Variants in SNX10 observed in about 807,000 individuals in gnomAD.
SNX10 encodes the protein sorting nexin 10, also known as sorting nexin-10.
A neutral mutation model predicts 28.5 loss-of-function variants in SNX10; 25 were observed. That is an observed-to-expected ratio of 0.88 (90% CI 0.64 to 1.22). SNX10 has a LOEUF of 1.22. Ranked by LOEUF, SNX10 falls within the 50% of genes most tolerant of loss-of-function variation. SNX10 has a pLI of 0.00. For synonymous variants in SNX10, 62 were observed against 81.4 expected, an observed-to-expected ratio of 0.76 and a Z score of 1.28; for missense variants, 223 against 242.6, an observed-to-expected ratio of 0.92 and a Z score of 0.54.
rs185338969 is a variant in SNX10 at position 26,336,361 on chromosome 7, A to G, written c.-23-10059A>G. ...TTATTGTGCATAAGCTCCAGTTCTTAAGTAAATATGTAAAAAAAAAAAAAA... is the reference window on the plus strand; with the variant it reads ...TTATTGTGCATAAGCTCCAGTTCTTGAGTAAATATGTAAAAAAAAAAAAAA... On this transcript the variant is annotated intron_variant, in intron 1 of 6. Transcript: ENST00000338523. Among the ~76,000 whole-genome samples, 306 of 151,898 alleles carry G rather than the reference A, an allele frequency of 2.0e-3. 1 individual carries two copies. The highest frequency in any genetic ancestry group is 6.9e-3 in the African/African-American group (286 of 41,422).
rs1439969018 is a variant in SNX10 at position 26,302,241 on chromosome 7, A to G, written c.-24+10155A>G. Among the ~76,000 whole-genome samples, 39 of 152,162 alleles carry G rather than the reference A, an allele frequency of 2.6e-4. 2 individuals carry two copies. Among genetic ancestry groups the G allele is most frequent in the Admixed American group, 2.6e-3 (39 of 15,272 alleles). ...CAAAGGTCCCTTTAGCATGTGGTCAAAGTTCTCTGGGTATCAGAGAAACAG... is the reference window on the plus strand; with the variant it reads ...CAAAGGTCCCTTTAGCATGTGGTCAGAGTTCTCTGGGTATCAGAGAAACAG... On this transcript the variant is annotated intron_variant, in intron 1 of 6. Transcript: ENST00000338523.
At chr7:26,339,102 G>A (rs1788068892) in intron 1 of SNX10, among the ~76,000 whole-genome samples, 1 of 152,208 alleles carries the variant, frequency 6.6e-6, no homozygotes, top group Non-Finnish European at 1.5e-5. Flanking sequence ...TTTCGGGAAA[G>A]GGCTGTTACC....
intron 1 of SNX10, among the ~76,000 whole-genome samples, chr7:26,330,933 T>C (rs1361291943): frequency 6.6e-6 from 1 of 152,106 alleles, no homozygotes; most frequent in African/African-American, 2.4e-5. Flanking sequence ...GAGGATCACT[T>C]GAGCCCTGGA....
chr7:26,344,757 T>G (rs1207070414), intron 1 of SNX10, among the ~76,000 whole-genome samples: 1 of 152,154 alleles, frequency 6.6e-6, no homozygotes, highest in Non-Finnish European at 1.5e-5. Flanking sequence ...GAATCTCCAG[T>G]TCCAACCCCA....
intron 5 of SNX10, among the ~76,000 whole-genome samples, chr7:26,366,971 T>G (rs545620317): frequency 6.6e-6 from 1 of 152,194 alleles, no homozygotes; most frequent in Non-Finnish European, 1.5e-5. Flanking sequence ...TAGTAGAAAG[T>G]GTCCTGGTTC....
intron 2 of SNX10, among the ~76,000 whole-genome samples, chr7:26,352,562 T>C (rs1049543148): frequency 1.4e-4 from 22 of 152,200 alleles, no homozygotes; most frequent in African/African-American, 5.1e-4. Flanking sequence ...CCCCACCTAT[T>C]TCCTCCTGCT....
Position 26,327,726 on chromosome 7 carries a change from C to CTTTTTTTTTTTT in SNX10, c.-23-18684_-23-18673dup, listed in dbSNP as rs70943293. Among the ~76,000 whole-genome samples, 21 of 89,106 alleles carry CTTTTTTTTTTTT rather than the reference C, an allele frequency of 2.4e-4. 2 individuals are homozygous for CTTTTTTTTTTTT. Among genetic ancestry groups the CTTTTTTTTTTTT allele is most frequent in the African/African-American group, 6.0e-4 (14 of 23,328 alleles). The allele number at this position is 89,106 out of a possible 152,430, so 58.5% of individuals were successfully genotyped here. A position where few individuals can be genotyped will look rare whatever the true frequency, so the allele number is the denominator to read the frequency against. ...ATTGTATTCATTCATGCATTCTTTT[C>CTTTTTTTTTTTT]TTTTTTTTTTTTTTTTTTTTTGAGA... On this transcript the variant is annotated intron_variant, in intron 1 of 6. Transcript: ENST00000338523.
At chr7:26,312,348 A>T (rs764461307) in intron 1 of SNX10, among the ~76,000 whole-genome samples, 9 of 152,384 alleles carry the variant, frequency 5.9e-5, no homozygotes, top group Non-Finnish European at 8.8e-5. Context: ...CAAACAGATT[A>T]CAAACCAGAA....
In SNX10 at chr7:26,361,069, T is replaced by G; in HGVS notation, c.111+8T>G. 6 of 1,590,532 alleles carry G rather than the reference T, an allele frequency of 3.8e-6. No individual in the cohort carries two copies. Among genetic ancestry groups the G allele is most frequent in the Non-Finnish European group, 5.1e-6 (6 of 1,165,744 alleles). On this transcript the variant is annotated splice_region_variant and intron_variant, in intron 3 of 6. Coordinates refer to ENST00000338523, the MANE Select transcript of SNX10 (RefSeq NM_013322.3). Reference sequence around the variant, plus strand: ...TATGAGATATGTATTCATGTAAGTATGTAGTCAGTAGAAATAGTAATTTTG... The same window carrying G: ...TATGAGATATGTATTCATGTAAGTAGGTAGTCAGTAGAAATAGTAATTTTG...
chr7:26,320,204 A>G (rs1173445044), intron 1 of SNX10, among the ~76,000 whole-genome samples: 1 of 151,568 alleles, frequency 6.6e-6, no homozygotes, highest in Non-Finnish European at 1.5e-5. Flanking sequence ...CTGGTCCCCA[A>G]CTCTTGACCT....
At chr7:26,298,167 G>A (rs1584083350) in intron 1 of SNX10, among the ~76,000 whole-genome samples, 2 of 151,772 alleles carry the variant, frequency 1.3e-5, no homozygotes, top group African/African-American at 4.8e-5. Flanking sequence ...GGTTGCATGA[G>A]CCGAGATCGT....
chr7:26,339,850 CTT>C (rs34466986), intron 1 of SNX10, among the ~76,000 whole-genome samples: 51 of 140,272 alleles, frequency 3.6e-4, no homozygotes, highest in Middle Eastern at 3.6e-3. Context: ...CCTGGCCGAT[CTT>C]TTTTTTTTTT....
chr7:26,367,984 T>C (rs1789364533), intron 5 of SNX10, among the ~76,000 whole-genome samples: 1 of 152,238 alleles, frequency 6.6e-6, no homozygotes, highest in African/African-American at 2.4e-5. Context: ...TTTGTATATG[T>C]GTATATATAC....
chr7:26,327,055 G>C (rs190322437), intron 1 of SNX10, among the ~76,000 whole-genome samples: 1 of 151,408 alleles, frequency 6.6e-6, no homozygotes, highest in Non-Finnish European at 1.5e-5. Flanking sequence ...GGTTCAAGCG[G>C]TTCTTGTGCC....
intron 1 of SNX10, among the ~76,000 whole-genome samples, chr7:26,344,517 C>T (rs561924650): frequency 6.6e-6 from 1 of 152,252 alleles, no homozygotes; most frequent in East Asian, 1.9e-4. Flanking sequence ...TGGAATCATA[C>T]GGTGTCTGTC....
At chr7:26,320,153 C>T (rs1787255505) in intron 1 of SNX10, among the ~76,000 whole-genome samples, 1 of 151,496 alleles carries the variant, frequency 6.6e-6, no homozygotes, top group African/African-American at 2.4e-5. Context: ...GGCTAGTTTT[C>T]ATATTTTTAG....
At position 26,346,476 on chromosome 7, in the gene SNX10, C is replaced by T. The variant is rs752720736; in HGVS notation, c.24+10C>T. On this transcript the variant is annotated intron_variant, in intron 2 of 6. Transcript: ENST00000338523. ...GGAACAACAGAAAGAGGTATGTCAT[C>T]ACAAATCCAAAAATAAATAACCCAC... The T allele has an allele frequency of 6.9e-6, 11 of 1,593,752 alleles. No individual in the cohort carries two copies. The highest frequency in any genetic ancestry group is 2.2e-5 in the East Asian group (1 of 44,786).
At chr7:26,350,358 G>A (rs1293097146) in intron 2 of SNX10, among the ~76,000 whole-genome samples, 1 of 152,120 alleles carries the variant, frequency 6.6e-6, no homozygotes, top group Non-Finnish European at 1.5e-5. Context: ...GGCACTATGG[G>A]GAGAGCCGGC....
chr7:26,356,320 A>G (rs528319102), intron 2 of SNX10, among the ~76,000 whole-genome samples: 1 of 152,326 alleles, frequency 6.6e-6, no homozygotes, highest in South Asian at 2.1e-4. Flanking sequence ...GAAGTCATTA[A>G]AGTGTTTAAT....
Sources: allele counts gnomAD v4.1 joint callset (sites outside exome capture counted in the v4.1 genomes callset), GRCh38; gene constraint gnomAD v4.1.1; transcripts MANE v1.5; gene names NCBI Gene and HGNC (gene_info 2026-07-23, HGNC 2026-07-21).